The following EXOC6B variants were observed in gnomAD, a reference collection of about 807,000 sequenced individuals.
The protein encoded by EXOC6B is exocyst complex component 6B.
A neutral mutation model predicts 113.5 loss-of-function variants in EXOC6B; 54 were observed. The observed-to-expected ratio is 0.48, with a 90% CI of 0.38 to 0.60. EXOC6B has a LOEUF of 0.60. Among genes scored for constraint, EXOC6B ranks in the 20% least tolerant of loss-of-function variants. The pLI is 0.00. For missense variants in EXOC6B, 797 were observed against 977.5 expected (o/e 0.82, Z 2.46); for synonymous variants, 357 against 339.0 (o/e 1.05, Z -0.58).
chr2:72,815,649 C>T (rs1054511872), intron 1 of EXOC6B, among the ~76,000 whole-genome samples: 1 of 152,012 alleles, frequency 6.6e-6, no homozygotes, highest in Non-Finnish European at 1.5e-5. Flanking sequence ...CTTATCACAT[C>T]ATATTGACAA....
intron 18 of EXOC6B, among the ~76,000 whole-genome samples, chr2:72,400,095 A>G (rs1467091629): frequency 6.6e-6 from 1 of 152,204 alleles, no homozygotes; most frequent in African/African-American, 2.4e-5. Context: ...ACAAGGATCA[A>G]TGGAAAAGAA....
intron 20 of EXOC6B, among the ~76,000 whole-genome samples, chr2:72,195,701 C>T (rs1198433042): frequency 6.6e-6 from 1 of 152,026 alleles, no homozygotes; most frequent in East Asian, 1.9e-4. Context: ...AAGCAAATAT[C>T]GAGAAAATGG....
rs151238765 is a variant in EXOC6B, at chr2:72,362,338, C to T, written c.2122+17391G>A. On this transcript the variant is annotated intron_variant, in intron 19 of 21. Coordinates refer to ENST00000272427, the MANE Select transcript of EXOC6B (RefSeq NM_015189.3). ...TTGGTTTAATTATATTTTTAATGTACCAATCTTTTGAATAATTTAGGGAAC... is the reference window on the plus strand; with the variant it reads ...TTGGTTTAATTATATTTTTAATGTATCAATCTTTTGAATAATTTAGGGAAC... 4.6e-5 allele frequency among the ~76,000 whole-genome samples: 7 copies of T among 152,036 alleles called. No individual in the cohort carries two copies. In the East Asian group the frequency reaches 1.4e-3, roughly 29 times the overall value.
intron 1 of EXOC6B, among the ~76,000 whole-genome samples, chr2:72,748,011 G>T (rs1681810536): frequency 1.3e-5 from 2 of 151,962 alleles, no homozygotes; most frequent in Non-Finnish European, 2.9e-5. Flanking sequence ...CACAGAGGAG[G>T]TCCTCCATAT....
At chr2:72,676,233 G>A (rs761180370) in intron 6 of EXOC6B, among the ~76,000 whole-genome samples, 44 of 151,984 alleles carry the variant, frequency 2.9e-4, no homozygotes, top group Non-Finnish European at 5.6e-4. Context: ...AGAATGCCCT[G>A]GCCATTTTCT....
intron 18 of EXOC6B, among the ~76,000 whole-genome samples, chr2:72,399,183 A>G (rs1428123695): frequency 6.6e-6 from 1 of 152,212 alleles, no homozygotes; most frequent in African/African-American, 2.4e-5. Flanking sequence ...GTGATTTGAA[A>G]AAGCATTTGA....
At chr2:72,323,456 A>T (rs964089239) in intron 20 of EXOC6B, among the ~76,000 whole-genome samples, 2 of 152,156 alleles carry the variant, frequency 1.3e-5, no homozygotes, top group African/African-American at 4.8e-5. Context: ...AACTAGAAAT[A>T]CCATTTGACT....
At chr2:72,268,112 T>C (rs1252916550) in intron 20 of EXOC6B, among the ~76,000 whole-genome samples, 1 of 152,068 alleles carries the variant, frequency 6.6e-6, no homozygotes, top group Non-Finnish European at 1.5e-5. Context: ...GGTTTTTTTG[T>C]TTTGTTTTGT....
chr2:72,660,635 T>G (rs542737267), intron 6 of EXOC6B, among the ~76,000 whole-genome samples: 99 of 152,196 alleles, frequency 6.5e-4, no homozygotes, highest in Non-Finnish European at 1.1e-3. Flanking sequence ...CTGTAAACTT[T>G]CTTTAATGGA....
At chr2:72,483,336 A>G (rs1699215422) in intron 16 of EXOC6B, among the ~76,000 whole-genome samples, 1 of 152,226 alleles carries the variant, frequency 6.6e-6, no homozygotes, top group Non-Finnish European at 1.5e-5. Flanking sequence ...AATCAGTATT[A>G]CCTATGGAAA....
chr2:72,396,108 G>A (rs1032262676), intron 18 of EXOC6B, among the ~76,000 whole-genome samples: 6 of 152,044 alleles, frequency 3.9e-5, no homozygotes, highest in African/African-American at 9.6e-5. Context: ...AGTTAATCAC[G>A]TTGTAGAGAA....
At chr2:72,619,235 C>A (rs945899892) in intron 6 of EXOC6B, among the ~76,000 whole-genome samples, 3 of 151,496 alleles carry the variant, frequency 2.0e-5, no homozygotes, top group African/African-American at 7.3e-5. Context: ...CTGGATCAAA[C>A]CAACATAGAT....
intron 19 of EXOC6B, among the ~76,000 whole-genome samples, chr2:72,362,103 G>A (rs945509602): frequency 6.6e-5 from 10 of 152,090 alleles, no homozygotes; most frequent in African/African-American, 1.9e-4. Flanking sequence ...TTAGAAGCCC[G>A]TGTTCCCTTT....
At chr2:72,630,767 G>C (rs1558861231) in intron 6 of EXOC6B, among the ~76,000 whole-genome samples, 1 of 152,134 alleles carries the variant, frequency 6.6e-6, no homozygotes, top group Non-Finnish European at 1.5e-5. Context: ...AAGAACTCTT[G>C]AGCTAGTTAA....
chr2:72,615,367 A>G (rs1671319634), intron 6 of EXOC6B, among the ~76,000 whole-genome samples: 1 of 152,102 alleles, frequency 6.6e-6, no homozygotes, highest in African/African-American at 2.4e-5. Context: ...GTCCAACTTC[A>G]GTTTGTTAGA....
chr2:72,775,112 T>A (rs557788662), intron 1 of EXOC6B, among the ~76,000 whole-genome samples: 1 of 152,254 alleles, frequency 6.6e-6, no homozygotes, highest in East Asian at 1.9e-4. Context: ...CTCAATGTGT[T>A]CACCAACCTG....
At chr2:72,793,765 A>G (rs1394188753) in intron 1 of EXOC6B, among the ~76,000 whole-genome samples, 2 of 152,200 alleles carry the variant, frequency 1.3e-5, no homozygotes, top group Non-Finnish European at 2.9e-5. Context: ...ACTCAACTAG[A>G]AGATGAGCTC....
chr2:72,551,266 C>T (rs966021902), intron 8 of EXOC6B, among the ~76,000 whole-genome samples: 1 of 151,932 alleles, frequency 6.6e-6, no homozygotes, highest in Non-Finnish European at 1.5e-5. Flanking sequence ...GGCGCGATCT[C>T]GGCTCACTGC....
intron 19 of EXOC6B, among the ~76,000 whole-genome samples, chr2:72,337,491 C>T (rs1376726034): frequency 6.6e-6 from 1 of 152,152 alleles, no homozygotes; most frequent in Non-Finnish European, 1.5e-5. Context: ...CTTGAATCTC[C>T]TTATTGGGCA....
Sources: gnomAD v4.1 joint callset for allele counts (sites outside exome capture counted in the v4.1 genomes callset) on GRCh38, gnomAD v4.1.1 for gene constraint, MANE v1.5 for transcripts, NCBI Gene and HGNC (gene_info 2026-07-23, HGNC 2026-07-21) for gene names.